The following EFCAB11 variants were observed in gnomAD, a reference collection of about 807,000 sequenced individuals.
The protein encoded by EFCAB11 is EF-hand calcium binding domain 11, also known as EF-hand calcium-binding domain-containing protein 11.
In EFCAB11, 14 loss-of-function variants were observed where a neutral mutation model predicts 23.0. The observed-to-expected ratio is 0.61, with a 90% CI of 0.40 to 0.95. The LOEUF (loss-of-function observed/expected upper bound fraction) is 0.95. Ranked by LOEUF, EFCAB11 falls within the 40% of genes least tolerant of loss-of-function variation. EFCAB11 has a pLI of 0.00. For synonymous variants in EFCAB11, 65 were observed against 66.6 expected (o/e 0.98, Z 0.11); for missense variants, 198 against 195.8 (o/e 1.01, Z -0.07).
intron 5 of EFCAB11, among the ~76,000 whole-genome samples, chr14:89,847,960 T>C (rs996804391): frequency 3.3e-5 from 5 of 152,150 alleles, no homozygotes; most frequent in African/African-American, 4.8e-5. Context: ...AACAAAATAA[T>C]GTATGTAAAG....
At chr14:89,894,300 C>T (rs1237934430) in intron 5 of EFCAB11, among the ~76,000 whole-genome samples, 1 of 151,760 alleles carries the variant, frequency 6.6e-6, no homozygotes, top group Non-Finnish European at 1.5e-5. Flanking sequence ...GCGGAACGTG[C>T]AGGTTTGTTA....
chr14:89,918,030 A>G lies in EFCAB11; in HGVS notation c.410+13511T>C, dbSNP rs910232282. On this transcript the variant is annotated intron_variant, in intron 5 of 5. Coordinates refer to ENST00000316738, the MANE Select transcript of EFCAB11 (RefSeq NM_145231.4). ...GAGAAGCTGGCAACAATGAACCCTG[A>G]GAAAAAGGACAGGGGACAACTGGAG... Among the ~76,000 whole-genome samples the G allele has an allele frequency of 5.9e-5, 9 of 152,310 alleles. No individual in the cohort carries two copies. In the East Asian group the frequency reaches 1.5e-3, roughly 26 times the overall value.
At chr14:89,819,004 CA>C (rs1886423715) in intron 5 of EFCAB11, among the ~76,000 whole-genome samples, 1 of 152,204 alleles carries the variant, frequency 6.6e-6, no homozygotes, top group African/African-American at 2.4e-5. Context: ...CCACACGGTC[CA>C]GCCATTCCAC....
chr14:89,799,427 T>C (rs1885693625), intron 5 of EFCAB11: 1 of 152,194 alleles, frequency 6.6e-6, no homozygotes. Context: ...AGAATTATTC[T>C]GAAGAAGGAA....
chr14:89,876,815 C>A (rs1888454887), intron 5 of EFCAB11, among the ~76,000 whole-genome samples: 1 of 152,196 alleles, frequency 6.6e-6, no homozygotes, highest in African/African-American at 2.4e-5. Context: ...CTGCACAATG[C>A]CAGGCTCCTG....
rs544910554 is a variant in EFCAB11 at position 89,849,132 on chromosome 14, TA to T, written c.411-51809del. On this transcript the variant is annotated intron_variant, in intron 5 of 5. Transcript: ENST00000316738. ...TAATCTTGTGAACGTCCACTCCCAT[TA>T]CCCTTCACCCTCCATGGTCCAGCTT... is the stretch of plus-strand genomic sequence containing the variant. Among the ~76,000 whole-genome samples the T allele has an allele frequency of 4.0e-3, 603 of 152,316 alleles. 2 individuals are homozygous for T. The highest frequency in any genetic ancestry group is 6.1e-3 in the Non-Finnish European group (417 of 68,020).
At chr14:89,863,537 G>T (rs1270335904) in intron 5 of EFCAB11, among the ~76,000 whole-genome samples, 1 of 152,180 alleles carries the variant, frequency 6.6e-6, no homozygotes. Flanking sequence ...TTTGCCTGCT[G>T]GCACTAGGTA....
At position 89,834,394 on chromosome 14, in the gene EFCAB11, A is replaced by AC. The variant is rs1566776940; in HGVS notation, c.411-37071_411-37070insG. ...CCGTCTCAAAAAAAAAAAAAAAAAA[A>AC]AAAAAAAAACCTTTTTGTTTAAACT... On this transcript the variant is annotated intron_variant, in intron 5 of 5. Transcript: ENST00000316738. Among the ~76,000 whole-genome samples the AC allele has an allele frequency of 7.5e-4, 113 of 150,612 alleles. 5 individuals carry two copies. Among genetic ancestry groups the AC allele is most frequent in the Non-Finnish European group, 1.2e-3 (83 of 67,716 alleles).
intron 5 of EFCAB11, among the ~76,000 whole-genome samples, chr14:89,886,883 C>T (rs1053216641): frequency 1.2e-4 from 18 of 152,238 alleles, no homozygotes; most frequent in Middle Eastern, 3.4e-3. Context: ...TTAAATATAT[C>T]CATTGTTAAC....
chr14:89,797,426 A>G (rs1885612565), intron 5 of EFCAB11, 102 bp from the exon 6 acceptor site: 7 of 1,034,384 alleles, frequency 6.8e-6, no homozygotes, highest in Non-Finnish European at 9.9e-6. Context: ...TGTGTGAGAG[A>G]GGAACCTATT....
At chr14:89,919,959 C>A (rs923877497) in intron 5 of EFCAB11, among the ~76,000 whole-genome samples, 2 of 152,178 alleles carry the variant, frequency 1.3e-5, no homozygotes, top group African/African-American at 4.8e-5. Flanking sequence ...AAAGACTCTT[C>A]CAAGTGAATC....
chr14:89,884,878 C>G (rs1888706303), intron 5 of EFCAB11, among the ~76,000 whole-genome samples: 1 of 152,172 alleles, frequency 6.6e-6, no homozygotes, highest in Non-Finnish European at 1.5e-5. Context: ...AGAGATCCCC[C>G]ACTCTGTGCA....
At chr14:89,819,810 A>G (rs188320798) in intron 5 of EFCAB11, among the ~76,000 whole-genome samples, 12 of 152,246 alleles carry the variant, frequency 7.9e-5, no homozygotes, top group Non-Finnish European at 1.8e-4. Flanking sequence ...ATACATACCA[A>G]AAATTATTCA....
chr14:89,838,110 G>A lies in EFCAB11; in HGVS notation c.411-40786C>T, dbSNP rs375331481. Among the ~76,000 whole-genome samples the A allele has an allele frequency of 3.8e-4, 58 of 152,248 alleles. No individual in the cohort carries two copies. In the South Asian group the frequency reaches 0.011, roughly 29 times the overall value. ...CTTTATAGGGCAAATCTGTAGGGAA[G>A]TTAAGCTCTTAATTAAAGAAAATTA... On this transcript the variant is annotated intron_variant, in intron 5 of 5. Transcript: ENST00000316738.
At chr14:89,845,354 T>C (rs894980245) in intron 5 of EFCAB11, among the ~76,000 whole-genome samples, 9 of 152,248 alleles carry the variant, frequency 5.9e-5, no homozygotes, top group African/African-American at 1.4e-4. Flanking sequence ...CAAATTAATA[T>C]GATTTTCAAG....
intron 5 of EFCAB11, among the ~76,000 whole-genome samples, chr14:89,815,704 G>C (rs569724390): frequency 1.4e-3 from 210 of 152,198 alleles, no homozygotes; most frequent in African/African-American, 5.0e-3. Flanking sequence ...GATTACAGGC[G>C]TGAGTCATCG....
rs150275538 is a variant in EFCAB11 at position 89,908,407 on chromosome 14, C to T, written c.410+23134G>A. 1.4e-3 allele frequency among the ~76,000 whole-genome samples: 216 copies of T among 152,250 alleles called. 1 individual carries two copies. Among genetic ancestry groups the T allele is most frequent in the Middle Eastern group, 3.4e-3 (1 of 294 alleles). On this transcript the variant is annotated intron_variant, in intron 5 of 5. Transcript: ENST00000316738. ...CCAAACTCCGAAATGCTCCAAAATC[C>T]GAAACTTTCTGAGTACCAATATTAC...
At chr14:89,820,756 A>G (rs1886489751) in intron 5 of EFCAB11, among the ~76,000 whole-genome samples, 1 of 152,174 alleles carries the variant, frequency 6.6e-6, no homozygotes, top group South Asian at 2.1e-4. Flanking sequence ...AGGGGTATAA[A>G]AATGAGTAAT....
Position 89,950,153 on chromosome 14 carries a change from G to C in EFCAB11, c.172-11C>G, listed in dbSNP as rs766711813. 1 of 1,551,586 alleles carries C rather than the reference G, an allele frequency of 6.4e-7. No individual in the cohort carries two copies. The highest frequency in any genetic ancestry group is 2.3e-5 in the East Asian group (1 of 43,134). On this transcript the variant is annotated splice_polypyrimidine_tract_variant and intron_variant, in intron 2 of 5. Transcript: ENST00000316738. Reference sequence around the variant, plus strand: ...AGAATCCACTTCTATCTAGAAAAGAGGAAAAAATAATAGAACATGTAATTT... The same window carrying C: ...AGAATCCACTTCTATCTAGAAAAGACGAAAAAATAATAGAACATGTAATTT...
Sources: gnomAD v4.1 joint callset for allele counts (sites outside exome capture counted in the v4.1 genomes callset) on GRCh38, gnomAD v4.1.1 for gene constraint, MANE v1.5 for transcripts, NCBI Gene and HGNC (gene_info 2026-07-23, HGNC 2026-07-21) for gene names.